LRRC23: variants seen among roughly 807,000 people sequenced by gnomAD.
LRRC23 encodes leucine rich repeat containing 23.
LRRC23 carries 28 observed loss-of-function variants against 37.7 expected under a neutral mutation model. The ratio of observed to expected loss-of-function variants is 0.74; its 90% CI spans 0.55 to 1.02. The LOEUF (loss-of-function observed/expected upper bound fraction) is 1.02. LRRC23 is among the 50% of genes least tolerant of loss of function. The pLI is 0.00. For synonymous variants in LRRC23, 161 were observed against 165.4 expected, an observed-to-expected ratio of 0.97 and a Z score of 0.20; for missense variants, 377 against 413.2, an observed-to-expected ratio of 0.91 and a Z score of 0.76.
intron 7 of LRRC23, 88 bp from the exon 8 acceptor site, chr12:6,913,803 T>G (rs1303703709): frequency 7.3e-6 from 7 of 960,598 alleles, no homozygotes; most frequent in Non-Finnish European, 1.1e-5. Flanking sequence ...GACCTCGTGA[T>G]CTGCCCGCCT....
At chr12:6,909,757 C>A in intron 5 of LRRC23, 133 bp from the exon 6 acceptor site, 1 of 762,802 alleles carries the variant, frequency 1.3e-6, no homozygotes, top group Admixed American at 2.9e-5. Context: ...GATCTCTACT[C>A]ACCCCCACTC....
chr12:6,913,435 A>G (rs1945220807), intron 7 of LRRC23, among the ~76,000 whole-genome samples: 2 of 151,954 alleles, frequency 1.3e-5, no homozygotes. Context: ...ATCTGAAGCT[A>G]AAAACAGGAC....
In LRRC23 at chr12:6,912,844, G is replaced by T; in HGVS notation, c.873G>T (p.Glu291Asp). 6.2e-7 allele frequency: 1 copy of T among 1,614,154 alleles called. No individual in the cohort carries two copies. Among genetic ancestry groups the T allele is most frequent in the Middle Eastern group, 1.6e-4 (1 of 6,062 alleles). ...PCTDETSYRQ[E>D]ALVQMPYLER... Reference sequence around the variant, plus strand: ...CGGACGAAACCAGCTACCGCCAGGAGGCCCTGGTGCAGATGCCATACCTTG... The same window carrying T: ...CGGACGAAACCAGCTACCGCCAGGATGCCCTGGTGCAGATGCCATACCTTG... Residue 291 changes from glutamate to aspartate, a missense_variant, in exon 7 of 8, where the codon GAG (glutamate) becomes GAT (aspartate). By Grantham distance (45) the Glu-to-Asp change is conservative. Coordinates refer to ENST00000443597, the MANE Select transcript of LRRC23 (RefSeq NM_001135217.2).
chr12:6,911,723 A>G (rs1945165313), intron 6 of LRRC23, among the ~76,000 whole-genome samples: 1 of 152,180 alleles, frequency 6.6e-6, no homozygotes, highest in African/African-American at 2.4e-5. Flanking sequence ...AAAATAAATA[A>G]AATTCCAGGC....
intron 6 of LRRC23, among the ~76,000 whole-genome samples, chr12:6,911,706 G>A (rs1945164745): frequency 6.6e-6 from 1 of 152,172 alleles, no homozygotes; most frequent in South Asian, 2.1e-4. Context: ...CTTAAAGCCA[G>A]AACATGAAAA....
intron 5 of LRRC23, among the ~76,000 whole-genome samples, chr12:6,908,864 T>TG (rs1349690104): frequency 7.4e-6 from 1 of 135,700 alleles, no homozygotes; most frequent in Non-Finnish European, 1.6e-5. Context: ...AAAGAGGGAG[T>TG]GGGGGGAAAG....
intron 6 of LRRC23, among the ~76,000 whole-genome samples, chr12:6,911,352 C>T (rs76053606): frequency 0.04 from 6,046 of 152,258 alleles, 373 homozygotes; most frequent in East Asian, 0.21. Context: ...CAACTCTCAT[C>T]CTGACCCCCT....
At position 6,914,020 on chromosome 12, in the gene LRRC23, C is replaced by A. The variant is rs782692868; in HGVS notation, c.*154C>A. The A allele has an allele frequency of 1.9e-6, 3 of 1,613,120 alleles. No individual in the cohort carries two copies. In the South Asian group the frequency reaches 3.3e-5, roughly 18 times the overall value. ...TTCATCACAACCTGAGGCCCAGGATCTGCTCTGTGCCGGTCCTCTGGGCAG... is the reference window on the plus strand; with the variant it reads ...TTCATCACAACCTGAGGCCCAGGATATGCTCTGTGCCGGTCCTCTGGGCAG... On this transcript the variant is annotated 3_prime_UTR_variant, in exon 8 of 8. Transcript: ENST00000443597. The surrounding 1 kb of genome is among the most constrained non-coding windows in gnomAD (Gnocchi z 7.1).
chr12:6,905,899 T>G lies in LRRC23; in HGVS notation c.181T>G (p.Cys61Gly). Residue 61 changes from cysteine (C) to glycine (G), a missense_variant, in exon 3 of 8, where the codon TGT becomes GGT. Cys to Gly is a radical substitution (Grantham distance 159, BLOSUM62 -3). Transcript: ENST00000443597. The stretch of plus-strand genomic sequence containing the variant: ...GATGAAGGAAGGGCTTTCTCTGCTC[T>G]GTAAGACAGGCAATGGGCTGGCTCA... ...DMMKEGLSLL[C>G]KTGNGLAHAY... 6.2e-7 allele frequency: 1 copy of G among 1,614,048 alleles called. No individual in the cohort carries two copies.
chr12:6,906,784 C>T (rs782055400), intron 4 of LRRC23, 122 bp downstream of exon 4: 79 of 1,066,854 alleles, frequency 7.4e-5, no homozygotes, highest in East Asian at 2.4e-4. Flanking sequence ...CATTCAGATA[C>T]GCAATATGAT....
intron 4 of LRRC23, 84 bp from the exon 5 acceptor site, chr12:6,907,231 G>C: frequency 6.5e-7 from 1 of 1,530,570 alleles, no homozygotes; most frequent in Non-Finnish European, 9.0e-7. Flanking sequence ...CGAATGGTAG[G>C]ATGATTTAGA....
At position 6,912,322 on chromosome 12, in the gene LRRC23, T is replaced by G. The variant is rs922040324; in HGVS notation, c.759-408T>G. ...CATCACGCCCAGCTAATTTTTTTAT[T>G]TTTAGCTTTTGTACAGATGGGGTCT... On this transcript the variant is annotated intron_variant, in intron 6 of 7. Transcript: ENST00000443597. 3.9e-5 allele frequency among the ~76,000 whole-genome samples: 6 copies of G among 152,068 alleles called. 1 individual carries two copies. The highest frequency in any genetic ancestry group is 4.4e-5 in the Non-Finnish European group (3 of 68,022).
rs1945200046 is a variant in LRRC23, at chr12:6,912,902, G to A, written c.931G>A (p.Glu311Lys). ...RLDKEFYEEEERAEADVIRQR... is the reference protein window; with the variant it reads ...RLDKEFYEEEKRAEADVIRQR... ...GGACAAGGAATTCTATGAGGAGGAG[G>A]AACGGGCTGAGGCTGATGTGATTCG... The change falls in exon 7 of 8, where the codon GAA becomes AAA. Residue 311 changes from glutamate to lysine, a missense_variant. Coordinates refer to ENST00000443597, the MANE Select transcript of LRRC23 (RefSeq NM_001135217.2). 5 of 1,614,128 alleles carry A rather than the reference G, an allele frequency of 3.1e-6. No individual in the cohort carries two copies. In the Middle Eastern group the frequency reaches 6.6e-4, roughly 213 times the overall value.
chr12:6,906,535 T>C lies in LRRC23; in HGVS notation c.363T>C (p.Asp121=). The part of the protein sequence containing the change: ...YLTHLLWLKA[D]GNRLRSAQMN... ...CCCACCTGCTCTGGCTCAAGGCTGATGGCAATCGGCTGCGAAGTGCCCAGA... is the reference window on the plus strand; with the variant it reads ...CCCACCTGCTCTGGCTCAAGGCTGACGGCAATCGGCTGCGAAGTGCCCAGA... The change falls in exon 4 of 8, where the codon GAT becomes GAC. Residue 121 remains aspartate, a synonymous_variant. Coordinates refer to ENST00000443597, the MANE Select transcript of LRRC23 (RefSeq NM_001135217.2). 1 of 1,614,242 alleles carries C rather than the reference T, an allele frequency of 6.2e-7. No homozygotes were observed. The highest frequency in any genetic ancestry group is 8.5e-7 in the Non-Finnish European group (1 of 1,180,042).
chr12:6,907,836 C>T (rs1944986398), intron 5 of LRRC23: 2 of 386,984 alleles, frequency 5.2e-6, no homozygotes, highest in South Asian at 2.5e-5. Flanking sequence ...TCTCCCCATA[C>T]ACCAAGTAGT....
intron 1 of LRRC23, among the ~76,000 whole-genome samples, 169 bp from the exon 2 acceptor site, chr12:6,905,416 G>T (rs1377368056): frequency 2.0e-5 from 3 of 152,064 alleles, no homozygotes; most frequent in Non-Finnish European, 2.9e-5. Flanking sequence ...GGGGTCCTCA[G>T]TGGAAAGTGT....
chr12:6,909,829 C>T (rs1372827298), intron 5 of LRRC23, 61 bp from the exon 6 acceptor site: 39 of 1,509,346 alleles, frequency 2.6e-5, no homozygotes, highest in Non-Finnish European at 2.7e-6. Flanking sequence ...CTCATTCTGA[C>T]TTCTCTTTCT....
chr12:6,905,504 TG>T (rs1944918554), intron 1 of LRRC23, 80 bp from the exon 2 acceptor site: 14 of 828,956 alleles, frequency 1.7e-5, no homozygotes, highest in Non-Finnish European at 2.8e-5. Context: ...TCAGAAGTCA[TG>T]GGGGTGATGG....
intron 1 of LRRC23, 76 bp downstream of exon 1, chr12:6,905,151 C>G (rs1944909401): frequency 6.1e-6 from 1 of 164,560 alleles, no homozygotes; most frequent in African/African-American, 2.4e-5. Context: ...CCAGAGGGCC[C>G]AAGGAAATTG....
Sources: gnomAD v4.1 joint callset for allele counts (sites outside exome capture counted in the v4.1 genomes callset) on GRCh38, gnomAD v4.1.1 for gene constraint, Gnocchi (gnomAD v3.1) non-coding constraint, MANE v1.5 for transcripts, NCBI Gene and HGNC (gene_info 2026-07-23, HGNC 2026-07-21) for gene names.